Variants in MTUS2 observed in about 807,000 individuals in gnomAD.
MTUS2 encodes the protein microtubule-associated tumor suppressor candidate 2.
A neutral mutation model predicts 114.1 loss-of-function variants in MTUS2; 40 were observed. The observed-to-expected ratio is 0.35, with a 90% CI of 0.27 to 0.46. The LOEUF (loss-of-function observed/expected upper bound fraction) is 0.46, where lower values mean the gene tolerates loss of function less well. Among genes scored for constraint, MTUS2 ranks in the 20% least tolerant of loss-of-function variants. The pLI is 1.00. For synonymous variants in MTUS2, 688 were observed against 672.0 expected (o/e 1.02, Z -0.37); for missense variants, 1,679 against 1,705.4 (o/e 0.98, Z 0.27).
intron 5 of MTUS2, among the ~76,000 whole-genome samples, chr13:29,184,561 T>C (rs745921571): frequency 1.3e-5 from 2 of 152,182 alleles, no homozygotes; most frequent in Non-Finnish European, 2.9e-5. Context: ...TGGCTGAGTG[T>C]TGAAGACATG....
chr13:29,096,859 C>G (rs146770379), intron 4 of MTUS2, among the ~76,000 whole-genome samples: 26 of 152,262 alleles, frequency 1.7e-4, no homozygotes, highest in Non-Finnish European at 3.4e-4. Context: ...TGTTGAACTT[C>G]TAGCCTATGG....
At chr13:29,069,833 A>G (rs774448000) in intron 4 of MTUS2, among the ~76,000 whole-genome samples, 6 of 152,152 alleles carry the variant, frequency 3.9e-5, no homozygotes, top group Non-Finnish European at 7.3e-5. Context: ...GAGGATGAAT[A>G]ATTTGGATTT....
At chr13:28,874,514 G>A (rs1877815422) in intron 2 of MTUS2, among the ~76,000 whole-genome samples, 1 of 152,120 alleles carries the variant, frequency 6.6e-6, no homozygotes, top group Non-Finnish European at 1.5e-5. Flanking sequence ...CTATAGGTGT[G>A]GCTAGGCTGG....
At chr13:29,235,906 G>C (rs955852754) in intron 5 of MTUS2, among the ~76,000 whole-genome samples, 2 of 152,062 alleles carry the variant, frequency 1.3e-5, no homozygotes, top group East Asian at 1.9e-4. Flanking sequence ...GCCTACTAAG[G>C]TGTTCCAATT....
Position 29,503,346 on chromosome 13 carries a change from G to A in MTUS2, c.*140G>A, listed in dbSNP as rs1883038215. 1.1e-6 allele frequency: 1 copy of A among 900,328 alleles called. No homozygotes were observed. Among genetic ancestry groups the A allele is most frequent in the Non-Finnish European group, 1.7e-6 (1 of 590,408 alleles). 55.8% of individuals were successfully genotyped at this position (900,328 alleles called of 1,614,324 possible). ...ATGCATCCTAGGCGCGTCCTCCTCT[G>A]ATCCCCGTGTAAGACTGCCCTGGTG... On this transcript the variant is annotated 3_prime_UTR_variant, in exon 16 of 16. Coordinates refer to ENST00000612955, the MANE Select transcript of MTUS2 (RefSeq NM_001033602.4).
At chr13:29,233,725 C>T (rs886072764) in intron 5 of MTUS2, among the ~76,000 whole-genome samples, 1 of 152,010 alleles carries the variant, frequency 6.6e-6, no homozygotes, top group African/African-American at 2.4e-5. Flanking sequence ...GCCATGATTT[C>T]GAAAAGGGAG....
intron 5 of MTUS2, among the ~76,000 whole-genome samples, chr13:29,120,877 A>G (rs967817630): frequency 2.0e-5 from 3 of 152,234 alleles, no homozygotes; most frequent in African/African-American, 7.2e-5. Flanking sequence ...GTATAAAATC[A>G]TTGATATAGC....
intron 2 of MTUS2, among the ~76,000 whole-genome samples, chr13:28,898,246 A>C (rs1048173102): frequency 1.9e-4 from 29 of 152,310 alleles, no homozygotes; most frequent in Non-Finnish European, 2.6e-4. Flanking sequence ...CTTCCAAATC[A>C]TGGGGTAGCA....
chr13:29,130,575 C>G (rs1238321676), intron 5 of MTUS2, among the ~76,000 whole-genome samples: 1 of 152,176 alleles, frequency 6.6e-6, no homozygotes, highest in Non-Finnish European at 1.5e-5. Flanking sequence ...CTTTTCACCT[C>G]TAGCACACTT....
intron 5 of MTUS2, among the ~76,000 whole-genome samples, chr13:29,128,212 G>A (rs1336308481): frequency 6.6e-6 from 1 of 152,208 alleles, no homozygotes; most frequent in Non-Finnish European, 1.5e-5. Context: ...GACCTCCTGG[G>A]CCACTGCTGG....
chr13:29,089,188 A>T (rs1441062183), intron 4 of MTUS2, among the ~76,000 whole-genome samples: 1 of 152,058 alleles, frequency 6.6e-6, no homozygotes, highest in Non-Finnish European at 1.5e-5. Flanking sequence ...TCTGAAAAGG[A>T]TTTTATTTCT....
At chr13:29,088,131 C>A (rs1889780708) in intron 4 of MTUS2, among the ~76,000 whole-genome samples, 1 of 151,770 alleles carries the variant, frequency 6.6e-6, no homozygotes, top group Admixed American at 6.6e-5. Context: ...AAACTTTCCC[C>A]TTAATGCTGC....
chr13:28,892,909 C>G (rs543802861), intron 2 of MTUS2, among the ~76,000 whole-genome samples: 1 of 152,194 alleles, frequency 6.6e-6, no homozygotes, highest in African/African-American at 2.4e-5. Context: ...GCAGAGAAGA[C>G]CAAAGAAGTC....
At chr13:29,288,204 T>A (rs150788560) in intron 6 of MTUS2, among the ~76,000 whole-genome samples, 467 of 152,312 alleles carry the variant, frequency 3.1e-3, no homozygotes, top group African/African-American at 0.011. Flanking sequence ...CCATGTGGAA[T>A]TCATGGGCTT....
intron 9 of MTUS2, among the ~76,000 whole-genome samples, chr13:29,457,103 A>C (rs1351108658): frequency 4.6e-5 from 7 of 151,384 alleles, no homozygotes; most frequent in South Asian, 4.2e-4. Flanking sequence ...CGAGATCGCG[A>C]CACTGCACTC....
chr13:28,835,924 T>C (rs1221156740), intron 1 of MTUS2, among the ~76,000 whole-genome samples: 2 of 151,968 alleles, frequency 1.3e-5, no homozygotes, highest in African/African-American at 4.8e-5. Flanking sequence ...AGCAGGGCCA[T>C]GCTGTTCAGC....
intron 8 of MTUS2, among the ~76,000 whole-genome samples, chr13:29,365,635 T>TGG (rs1870647588): frequency 6.6e-6 from 1 of 152,048 alleles, no homozygotes; most frequent in Admixed American, 6.6e-5. Context: ...CAGATCCTGG[T>TGG]GGGCAGTTGG....
In MTUS2 at chr13:29,248,988, G is replaced by A. The variant is rs552027805; in HGVS notation, c.2645-32716G>A. Among the ~76,000 whole-genome samples the A allele has an allele frequency of 2.2e-4, 33 of 151,962 alleles. 1 individual carries two copies. Among genetic ancestry groups the A allele is most frequent in the Non-Finnish European group, 2.8e-4 (19 of 67,904 alleles). On this transcript the variant is annotated intron_variant, in intron 5 of 15. Coordinates refer to ENST00000612955, the MANE Select transcript of MTUS2 (RefSeq NM_001033602.4). ...AATGATTTCTTTCGTTCGTTTGTTC[G>A]TTTGTTCTTTCTTTCTTTCGACAGA...
intron 8 of MTUS2, among the ~76,000 whole-genome samples, chr13:29,423,473 G>A (rs9579372): frequency 1.3e-5 from 2 of 152,008 alleles, no homozygotes; most frequent in East Asian, 1.9e-4. Flanking sequence ...GAAGGTAGAC[G>A]AGTGAGTTGT....
Sources: gnomAD v4.1 joint callset for allele counts (sites outside exome capture counted in the v4.1 genomes callset) on GRCh38, gnomAD v4.1.1 for gene constraint, MANE v1.5 for transcripts, NCBI Gene and HGNC (gene_info 2026-07-23, HGNC 2026-07-21) for gene names.